The following PIP5K1B variants were observed in gnomAD, a reference collection of about 807,000 sequenced individuals.
The protein encoded by PIP5K1B is phosphatidylinositol-4-phosphate 5-kinase type 1 beta, also known as phosphatidylinositol 4-phosphate 5-kinase type-1 beta.
In PIP5K1B, 42 loss-of-function variants were observed where a neutral mutation model predicts 67.0. The observed-to-expected ratio is 0.63, with a 90% CI of 0.49 to 0.81. The LOEUF (loss-of-function observed/expected upper bound fraction) is 0.81, where lower values mean the gene tolerates loss of function less well. Ranked by LOEUF, PIP5K1B falls within the 30% of genes least tolerant of loss-of-function variation. The pLI is 0.00. For missense variants in PIP5K1B, 459 were observed against 646.3 expected, an observed-to-expected ratio of 0.71 and a Z score of 3.14; for synonymous variants, 214 against 231.4, an observed-to-expected ratio of 0.92 and a Z score of 0.68.
chr9:68,788,777 G>T, intron 2 of PIP5K1B: 1 of 256,518 alleles, frequency 3.9e-6, no homozygotes, highest in Non-Finnish European at 8.1e-6. Flanking sequence ...TTGCCTGCTT[G>T]GGTCCCACCA....
At chr9:68,826,943 G>GC (rs918434449) in intron 4 of PIP5K1B, among the ~76,000 whole-genome samples, 2 of 151,346 alleles carry the variant, frequency 1.3e-5, no homozygotes, top group African/African-American at 4.9e-5. Flanking sequence ...GTTGAGATGG[G>GC]GTTTCACCAT....
intron 9 of PIP5K1B, among the ~76,000 whole-genome samples, chr9:68,918,508 G>A (rs1027359763): frequency 2.0e-5 from 3 of 152,170 alleles, no homozygotes; most frequent in Admixed American, 6.5e-5. Context: ...GTGGTCTCTC[G>A]TCTCAGCCAG....
Position 68,822,647 on chromosome 9 carries a change from A to G in PIP5K1B, c.33A>G (p.Ala11=). The G allele has an allele frequency of 6.2e-7, 1 of 1,613,606 alleles. No individual in the cohort carries two copies. The highest frequency in any genetic ancestry group is 8.5e-7 in the Non-Finnish European group (1 of 1,179,650). Residue 11 remains alanine (A), a synonymous_variant, in exon 4 of 16, where the codon GCA becomes GCG. Transcript: ENST00000265382. ...CTGCTGCTGAAAATGGAGAGGCAGCACCTGGAAAACAAAATGAAGAAAAAA... is the reference window on the plus strand; with the variant it reads ...CTGCTGCTGAAAATGGAGAGGCAGCGCCTGGAAAACAAAATGAAGAAAAAA... The part of the protein sequence containing the change: MSSAAENGEA[A]PGKQNEEKTY...
intron 15 of PIP5K1B, among the ~76,000 whole-genome samples, chr9:69,007,017 A>G (rs1169555959): frequency 6.6e-6 from 1 of 152,182 alleles, no homozygotes; most frequent in Admixed American, 6.5e-5. Flanking sequence ...CCACTGCTAT[A>G]GCTTATAGCA....
chr9:68,772,232 G>A (rs932425816), intron 2 of PIP5K1B, among the ~76,000 whole-genome samples: 2 of 152,148 alleles, frequency 1.3e-5, no homozygotes, highest in East Asian at 1.9e-4. Flanking sequence ...TGTCAGCTAC[G>A]TAGAGGGAAA....
At chr9:68,747,382 C>T (rs1313786243) in intron 2 of PIP5K1B, among the ~76,000 whole-genome samples, 1 of 151,620 alleles carries the variant, frequency 6.6e-6, no homozygotes, top group African/African-American at 2.4e-5. Context: ...GTTATTACTG[C>T]CACGTCGTTA....
At chr9:68,832,536 A>G (rs1012364639) in intron 4 of PIP5K1B, among the ~76,000 whole-genome samples, 58 of 152,186 alleles carry the variant, frequency 3.8e-4, no homozygotes, top group African/African-American at 1.4e-3. Flanking sequence ...AGAAAGGAAT[A>G]TGTGGCAGCT....
intron 4 of PIP5K1B, among the ~76,000 whole-genome samples, chr9:68,838,728 TG>T (rs1285118368): frequency 3.9e-5 from 6 of 152,268 alleles, no homozygotes; most frequent in African/African-American, 1.2e-4. Flanking sequence ...AACCTGCACT[TG>T]TACCCCTGAA....
chr9:68,899,782 A>C (rs930826616), intron 8 of PIP5K1B, among the ~76,000 whole-genome samples: 1 of 152,110 alleles, frequency 6.6e-6, no homozygotes, highest in African/African-American at 2.4e-5. Flanking sequence ...CTTTTATTTT[A>C]AGTTCAGGGG....
intron 2 of PIP5K1B, among the ~76,000 whole-genome samples, chr9:68,808,986 C>T (rs1430094519): frequency 2.6e-5 from 4 of 152,170 alleles, no homozygotes; most frequent in Non-Finnish European, 4.4e-5. Flanking sequence ...AGCTTCTAAG[C>T]ATACAAATGT....
intron 4 of PIP5K1B, among the ~76,000 whole-genome samples, chr9:68,863,593 G>A (rs1587578968): frequency 6.6e-6 from 1 of 152,296 alleles, no homozygotes; most frequent in Admixed American, 6.5e-5. Flanking sequence ...GGTGGGACTA[G>A]TAAGCAATTT....
intron 12 of PIP5K1B, among the ~76,000 whole-genome samples, chr9:68,924,409 A>G (rs1204745168): frequency 4.0e-5 from 6 of 150,596 alleles, no homozygotes; most frequent in Admixed American, 6.6e-5. Context: ...CTCAAAAAAA[A>G]AAAAAAAAAA....
intron 1 of PIP5K1B, chr9:68,706,054 C>T (rs1487446240): frequency 6.6e-6 from 1 of 152,282 alleles, no homozygotes; most frequent in Non-Finnish European, 1.5e-5. Flanking sequence ...AATAGGAGTA[C>T]TCTCCCCTTT....
chr9:68,913,755 C>G (rs747005213), intron 8 of PIP5K1B, among the ~76,000 whole-genome samples: 15 of 152,164 alleles, frequency 9.9e-5, no homozygotes, highest in Admixed American at 6.5e-4. Context: ...ACGAGGACAA[C>G]TCAGCACCCT....
chr9:68,708,474 G>A (rs1827229143), intron 1 of PIP5K1B, among the ~76,000 whole-genome samples: 1 of 152,122 alleles, frequency 6.6e-6, no homozygotes, highest in Non-Finnish European at 1.5e-5. Context: ...GCATCATATA[G>A]GGAAGAGCTT....
At chr9:68,735,316 C>CTTTTTTTTTTT (rs558810934) in intron 1 of PIP5K1B, among the ~76,000 whole-genome samples, 348 of 29,770 alleles carry the variant, frequency 0.012, 85 homozygotes, top group Non-Finnish European at 0.015. Flanking sequence ...CCCCTAGTGT[C>CTTTTTTTTTTT]TTTTTTTTTT....
intron 6 of PIP5K1B, among the ~76,000 whole-genome samples, chr9:68,878,969 G>A (rs1372094742): frequency 6.6e-6 from 1 of 152,170 alleles, no homozygotes; most frequent in African/African-American, 2.4e-5. Flanking sequence ...AGGACATTTA[G>A]TGGACCAATA....
chr9:68,887,326 A>C (rs1824528028), intron 6 of PIP5K1B, among the ~76,000 whole-genome samples: 1 of 152,230 alleles, frequency 6.6e-6, no homozygotes. Flanking sequence ...AGTGGTAGGC[A>C]GGTGAAAGTA....
intron 12 of PIP5K1B, among the ~76,000 whole-genome samples, chr9:68,929,819 G>A (rs1052674728): frequency 6.6e-6 from 1 of 152,070 alleles, no homozygotes; most frequent in Non-Finnish European, 1.5e-5. Flanking sequence ...ACAGGCATGC[G>A]CCACCACACC....
Sources: gnomAD v4.1 joint callset for allele counts (sites outside exome capture counted in the v4.1 genomes callset) on GRCh38, gnomAD v4.1.1 for gene constraint, MANE v1.5 for transcripts, NCBI Gene and HGNC (gene_info 2026-07-23, HGNC 2026-07-21) for gene names.